Variants in SKAP2 observed in about 807,000 individuals in gnomAD.
The protein encoded by SKAP2 is src kinase-associated phosphoprotein 2.
A neutral mutation model predicts 54.9 loss-of-function variants in SKAP2; 28 were observed. The observed-to-expected ratio is 0.51, with a 90% confidence interval of 0.38 to 0.70. The LOEUF (loss-of-function observed/expected upper bound fraction) is 0.70. Ranked by LOEUF, SKAP2 falls within the 30% of genes least tolerant of loss-of-function variation. The pLI is 0.00. For missense variants in SKAP2, 356 were observed against 424.1 expected (o/e 0.84, Z 1.41); for synonymous variants, 137 against 134.3 (o/e 1.02, Z -0.14).
Position 26,670,194 on chromosome 7 carries a change from TA to T in SKAP2, c.988-3del. 6.9e-7 allele frequency: 1 copy of T among 1,450,994 alleles called. No homozygotes were observed. Among genetic ancestry groups the T allele is most frequent in the Non-Finnish European group, 9.7e-7 (1 of 1,031,650 alleles). 89.9% of individuals were successfully genotyped at this position (1,450,994 alleles called of 1,614,324 possible). A position where few individuals can be genotyped will look rare whatever the true frequency, so the allele number is the denominator to read the frequency against. ...CCACCAGCCATATCTATTGTATTCC[TA>T]ATTGAAAACAATATGCAATATTAAC... On this transcript the variant is annotated splice_polypyrimidine_tract_variant and splice_region_variant and intron_variant, in intron 11 of 12. Transcript: ENST00000345317.
chr7:26,830,222 G>A (rs180928385), intron 4 of SKAP2, among the ~76,000 whole-genome samples: 1 of 152,294 alleles, frequency 6.6e-6, no homozygotes, highest in Admixed American at 6.5e-5. Flanking sequence ...TAGTTGCCTA[G>A]GCCTTTGAGA....
chr7:26,803,674 T>A (rs2127985489), intron 4 of SKAP2, among the ~76,000 whole-genome samples: 1 of 152,338 alleles, frequency 6.6e-6, no homozygotes, highest in South Asian at 2.1e-4. Context: ...CACTCCTACG[T>A]TTGTTGCAGC....
chr7:26,753,722 C>T (rs372914326), intron 4 of SKAP2, among the ~76,000 whole-genome samples: 1 of 152,122 alleles, frequency 6.6e-6, no homozygotes, highest in Non-Finnish European at 1.5e-5. Context: ...AGGCAGTTAC[C>T]GAGCATCCAC....
At chr7:26,662,844 C>T (rs771367317), downstream of SKAP2, among the ~76,000 whole-genome samples, 16 of 152,004 alleles carry the variant, frequency 1.1e-4, no homozygotes, top group Non-Finnish European at 1.9e-4. Context: ...GCACACTTGA[C>T]GTTGTGAACT....
At chr7:26,784,712 T>C (rs929783243) in intron 4 of SKAP2, among the ~76,000 whole-genome samples, 1 of 152,258 alleles carries the variant, frequency 6.6e-6, no homozygotes, top group East Asian at 1.9e-4. Flanking sequence ...AAAGTCATTA[T>C]TGAAGAGTGA....
At chr7:26,826,141 ACG>A (rs10679255) in intron 4 of SKAP2, among the ~76,000 whole-genome samples, 7 of 147,368 alleles carry the variant, frequency 4.8e-5, no homozygotes, top group East Asian at 4.1e-4. Flanking sequence ...ACACACACAC[ACG>A]CCACAGTGAT....
chr7:26,777,569 T>G (rs1207004907), intron 4 of SKAP2, among the ~76,000 whole-genome samples: 1 of 152,196 alleles, frequency 6.6e-6, no homozygotes, highest in Admixed American at 6.5e-5. Flanking sequence ...CTAGGCAGTG[T>G]ATTCTTCTGC....
chr7:26,747,071 TATTATATA>T (rs1782573183), intron 4 of SKAP2, among the ~76,000 whole-genome samples: 1 of 152,176 alleles, frequency 6.6e-6, no homozygotes, highest in Non-Finnish European at 1.5e-5. Context: ...AAAAGGAAGA[TATTATATA>T]TTCAACAGGC....
chr7:26,836,847 A>G (rs1238106697), intron 4 of SKAP2, among the ~76,000 whole-genome samples: 3 of 152,214 alleles, frequency 2.0e-5, no homozygotes, highest in African/African-American at 7.2e-5. Context: ...GTGTATACCC[A>G]AAGGATTATA....
chr7:26,797,308 C>T (rs1246661172), intron 4 of SKAP2, among the ~76,000 whole-genome samples: 1 of 152,220 alleles, frequency 6.6e-6, no homozygotes, highest in African/African-American at 2.4e-5. Flanking sequence ...TGGTGGCCGC[C>T]ACGGGGGTGC....
intron 11 of SKAP2, 36 bp downstream of exon 11, chr7:26,684,700 C>T (rs763917511): frequency 7.5e-7 from 1 of 1,341,824 alleles, no homozygotes; most frequent in Non-Finnish European, 1.1e-6. Flanking sequence ...CTTTGTATTC[C>T]CTCTTTACAA....
intron 3 of SKAP2, among the ~76,000 whole-genome samples, chr7:26,850,477 A>G (rs536655429): frequency 6.6e-6 from 1 of 152,068 alleles, no homozygotes; most frequent in South Asian, 2.1e-4. Flanking sequence ...GGCTAAATGG[A>G]AAAAGGATCA....
chr7:26,725,357 AAC>A (rs112271894), intron 9 of SKAP2, 69 bp downstream of exon 9: 3,786 of 1,090,126 alleles, frequency 3.5e-3, no homozygotes, highest in South Asian at 5.0e-3. Context: ...CACACACACA[AAC>A]ACACACACAC....
rs539029039 is a variant in SKAP2 at position 26,838,566 on chromosome 7, CA to C, written c.307+5463del. On this transcript the variant is annotated intron_variant, in intron 4 of 12. Coordinates refer to ENST00000345317, the MANE Select transcript of SKAP2 (RefSeq NM_003930.5). ...AAACCTGGTTTCTGAGCTTGAACTC[CA>C]AAAGTTCTTTTCAGTTTGTTTTCCC... is the stretch of plus-strand genomic sequence containing the variant. Among the ~76,000 whole-genome samples, 114 of 152,258 alleles carry C rather than the reference CA, an allele frequency of 7.5e-4. 1 individual carries two copies. In the Middle Eastern group the frequency reaches 0.02, roughly 27 times the overall value.
chr7:26,776,704 C>T (rs1783317997), intron 4 of SKAP2, among the ~76,000 whole-genome samples: 1 of 152,110 alleles, frequency 6.6e-6, no homozygotes, highest in Non-Finnish European at 1.5e-5. Context: ...AACAGCTTGT[C>T]CCTACTTCTG....
At chr7:26,744,518 G>A (rs1004588900) in intron 4 of SKAP2, among the ~76,000 whole-genome samples, 7 of 152,156 alleles carry the variant, frequency 4.6e-5, no homozygotes, top group African/African-American at 1.4e-4. Flanking sequence ...GAATGGGGGT[G>A]AGAGAGAGTT....
At chr7:26,683,325 T>C (rs1786547001) in intron 11 of SKAP2, among the ~76,000 whole-genome samples, 1 of 152,198 alleles carries the variant, frequency 6.6e-6, no homozygotes, top group African/African-American at 2.4e-5. Context: ...AGTTGTGATG[T>C]GACTATCTAT....
intron 1 of SKAP2, among the ~76,000 whole-genome samples, chr7:26,861,279 A>C (rs1785266447): frequency 6.6e-6 from 1 of 152,076 alleles, no homozygotes; most frequent in Non-Finnish European, 1.5e-5. Flanking sequence ...TGCTAGTCCT[A>C]GTCAAAATAT....
rs1326433950 is a variant in SKAP2, at chr7:26,671,760, C to G, written c.988-1568G>C. On this transcript the variant is annotated intron_variant, in intron 11 of 12. Transcript: ENST00000345317. ...AAGCTGTATAAGGAACGAGGATACTCTGATGCCCAGAACCCAATGATGGCT... is the reference window on the plus strand; with the variant it reads ...AAGCTGTATAAGGAACGAGGATACTGTGATGCCCAGAACCCAATGATGGCT... Among the ~76,000 whole-genome samples, 7 of 152,122 alleles carry G rather than the reference C, an allele frequency of 4.6e-5. No individual in the cohort carries two copies. The East Asian group carries it at 1.3e-3, about 29-fold the overall frequency.
Sources: gnomAD v4.1 joint callset for allele counts (sites outside exome capture counted in the v4.1 genomes callset) on GRCh38, gnomAD v4.1.1 for gene constraint, MANE v1.5 for transcripts, NCBI Gene and HGNC (gene_info 2026-07-23, HGNC 2026-07-21) for gene names.